Variants in VAC14 observed in about 807,000 individuals in gnomAD.
The protein encoded by VAC14 is protein VAC14 homolog.
VAC14 carries 47 observed loss-of-function variants against 85.3 expected under a neutral mutation model. The ratio of observed to expected loss-of-function variants is 0.55; its 90% confidence interval spans 0.44 to 0.70. The LOEUF (loss-of-function observed/expected upper bound fraction) is 0.70, where lower values mean the gene tolerates loss of function less well. VAC14 is among the 30% of genes least tolerant of loss of function. The probability of loss-of-function intolerance (pLI) is 0.00; values close to 1 mark genes in which losing one functional copy is unlikely to be tolerated. For synonymous variants in VAC14, 447 were observed against 430.5 expected (o/e 1.04, Z -0.47); for missense variants, 861 against 1,004.3 (o/e 0.86, Z 1.93).
intron 14 of VAC14, among the ~76,000 whole-genome samples, chr16:70,703,302 G>A (rs1322329811): frequency 6.6e-6 from 1 of 152,246 alleles, no homozygotes; most frequent in African/African-American, 2.4e-5. Flanking sequence ...GGCCTGGAAT[G>A]TGCTTGGAAA....
intron 1 of VAC14, among the ~76,000 whole-genome samples, chr16:70,787,466 G>A (rs1269898815): frequency 6.6e-6 from 1 of 151,952 alleles, no homozygotes; most frequent in Non-Finnish European, 1.5e-5. Context: ...TGGTCACCCA[G>A]GGAGGATGAC....
intron 4 of VAC14, 82 bp downstream of exon 4, chr16:70,784,694 C>G (rs1234995474): frequency 7.7e-7 from 1 of 1,295,196 alleles, no homozygotes; most frequent in Non-Finnish European, 1.1e-6. Flanking sequence ...GAAGAACATT[C>G]CCAATGACAG....
At chr16:70,745,821 C>T (rs1385251602) in intron 12 of VAC14, among the ~76,000 whole-genome samples, 1 of 112,040 alleles carries the variant, frequency 8.9e-6, no homozygotes, top group Non-Finnish European at 2.0e-5. Flanking sequence ...ATAACGACGG[C>T]AACCGGGGCT....
At chr16:70,713,133 T>A (rs2054072018) in intron 14 of VAC14, among the ~76,000 whole-genome samples, 1 of 152,118 alleles carries the variant, frequency 6.6e-6, no homozygotes, top group South Asian at 2.1e-4. Context: ...AAGGAGTGAT[T>A]AGCATAATAC....
chr16:70,782,225 G>A (rs1375287240), intron 7 of VAC14, among the ~76,000 whole-genome samples: 2 of 152,226 alleles, frequency 1.3e-5, no homozygotes, highest in Non-Finnish European at 2.9e-5. Context: ...AAGGGCAGCC[G>A]CATCCCTGCC....
chr16:70,771,456 G>C (rs1249813357), intron 10 of VAC14: 1 of 152,106 alleles, frequency 6.6e-6, no homozygotes, highest in African/African-American at 2.4e-5. Flanking sequence ...ATGAGTCAAG[G>C]CAACTGTGTC....
At position 70,687,927 on chromosome 16, in the gene VAC14, G is replaced by A. The variant is rs375343827; in HGVS notation, c.*1C>T. The A allele has an allele frequency of 3.7e-5, 57 of 1,538,504 alleles. No individual in the cohort carries two copies. Among genetic ancestry groups the A allele is most frequent in the Non-Finnish European group, 5.0e-5 (57 of 1,137,160 alleles). On this transcript the variant is annotated 3_prime_UTR_variant, in exon 19 of 19. Transcript: ENST00000261776. ...GTGGGCCCTCCTCCGTGCCAGGCCT[G>A]TCAGAGGACAACCCTCCGGTCCAGG...
intron 12 of VAC14, among the ~76,000 whole-genome samples, chr16:70,761,930 T>C (rs746775201): frequency 1.3e-5 from 2 of 152,126 alleles, no homozygotes; most frequent in Admixed American, 6.5e-5. Context: ...ACTGCCCTCA[T>C]TGAACAGAGG....
chr16:70,797,347 T>A (rs766567800), intron 1 of VAC14, among the ~76,000 whole-genome samples: 2 of 152,136 alleles, frequency 1.3e-5, no homozygotes, highest in Non-Finnish European at 2.9e-5. Context: ...TAATACAGGA[T>A]AATCTCTCTA....
chr16:70,755,360 C>G (rs897218111), intron 12 of VAC14: 1 of 206,240 alleles, frequency 4.8e-6, no homozygotes, highest in Non-Finnish European at 1.0e-5. Context: ...TGAAGGTCAG[C>G]CAAGGACAAA....
chr16:70,732,021 A>T (rs192790763), intron 13 of VAC14, among the ~76,000 whole-genome samples: 1 of 152,324 alleles, frequency 6.6e-6, no homozygotes, highest in Non-Finnish European at 1.5e-5. Flanking sequence ...TACACTCAAG[A>T]TCTATTTGGG....
intron 12 of VAC14, among the ~76,000 whole-genome samples, chr16:70,756,467 T>G (rs1008594504): frequency 2.0e-5 from 3 of 152,044 alleles, no homozygotes; most frequent in African/African-American, 7.2e-5. Flanking sequence ...CCAAAGCAAA[T>G]CGCACCTTAA....
intron 12 of VAC14, among the ~76,000 whole-genome samples, chr16:70,748,194 A>G (rs1022343762): frequency 3.3e-5 from 5 of 152,192 alleles, no homozygotes; most frequent in African/African-American, 9.7e-5. Flanking sequence ...CTGACATCCA[A>G]TCCTGACCCT....
In VAC14 at chr16:70,781,899, G is replaced by A. The variant is rs1253747943; in HGVS notation, c.916C>T (p.Pro306Ser). The change falls in exon 8 of 19, where the codon CCC (proline) becomes TCC (serine). Residue 306 changes from proline to serine, a missense_variant. Coordinates refer to ENST00000261776, the MANE Select transcript of VAC14 (RefSeq NM_018052.5). Reference protein sequence around the residue: ...YSSGILTAVLPCLAYDDRKKS... With the variant: ...YSSGILTAVLSCLAYDDRKKS... ...TTGCGGTCATCGTAGGCCAAGCAGGGCAAGACAGCAGTCAGGATCCCGGAG... is the reference window on the plus strand; with the variant it reads ...TTGCGGTCATCGTAGGCCAAGCAGGACAAGACAGCAGTCAGGATCCCGGAG... 4.3e-6 allele frequency: 7 copies of A among 1,614,128 alleles called. 1 individual carries two copies. Among genetic ancestry groups the A allele is most frequent in the Non-Finnish European group, 5.1e-6 (6 of 1,180,026 alleles).
intron 12 of VAC14, among the ~76,000 whole-genome samples, chr16:70,759,572 G>A (rs988626830): frequency 6.6e-6 from 1 of 152,186 alleles, no homozygotes; most frequent in Non-Finnish European, 1.5e-5. Context: ...AGGTTGCAGT[G>A]AGCCGACATC....
At chr16:70,780,391 C>T (rs2033751264) in intron 9 of VAC14, among the ~76,000 whole-genome samples, 1 of 152,138 alleles carries the variant, frequency 6.6e-6, no homozygotes, top group Non-Finnish European at 1.5e-5. Context: ...GAATCAAGTG[C>T]CCCCTGAATC....
rs1237032768 is a variant in VAC14 at position 70,709,855 on chromosome 16, TGCCAGGGAAATG to T, written c.1662-11056_1662-11045del. On this transcript the variant is annotated intron_variant, in intron 14 of 18. Coordinates refer to ENST00000261776, the MANE Select transcript of VAC14 (RefSeq NM_018052.5). The stretch of plus-strand genomic sequence containing the variant: ...GGCTGATACATTCCCTGGCTGACAC[TGCCAGGGAAATG>T]GCCAGGGAAATGGCATCCCTGAACC... 7.9e-5 allele frequency among the ~76,000 whole-genome samples: 12 copies of T among 152,160 alleles called. No homozygotes were observed. The South Asian group carries it at 1.2e-3, about 16-fold the overall frequency.
intron 14 of VAC14, among the ~76,000 whole-genome samples, chr16:70,701,523 C>A (rs930901058): frequency 3.3e-5 from 5 of 150,666 alleles, no homozygotes; most frequent in African/African-American, 1.2e-4. Flanking sequence ...ACACGGCCAC[C>A]CTGCCCCACA....
chr16:70,774,711 C>CCCCCTCT (rs1236950870), intron 9 of VAC14, among the ~76,000 whole-genome samples: 1 of 150,800 alleles, frequency 6.6e-6, no homozygotes, highest in South Asian at 2.1e-4. Context: ...TTCTCTTTCT[C>CCCCCTCT]CCCCTCTCCC....
Sources: allele counts gnomAD v4.1 joint callset (sites outside exome capture counted in the v4.1 genomes callset), GRCh38; gene constraint gnomAD v4.1.1; transcripts MANE v1.5; gene names NCBI Gene and HGNC (gene_info 2026-07-23, HGNC 2026-07-21).